The following MINDY2 variants were observed in gnomAD, a reference collection of about 807,000 sequenced individuals.
MINDY2 encodes the protein ubiquitin carboxyl-terminal hydrolase MINDY-2.
Under a neutral mutation model 68.2 loss-of-function variants are expected in MINDY2, and 52 were observed. The ratio of observed to expected loss-of-function variants is 0.76; its 90% CI spans 0.61 to 0.96. MINDY2 has a LOEUF of 0.96. Ranked by LOEUF, MINDY2 falls within the 40% of genes least tolerant of loss-of-function variation. The pLI is 0.00. For missense variants in MINDY2, 881 were observed against 773.4 expected, an observed-to-expected ratio of 1.14 and a Z score of -1.65; for synonymous variants, 372 against 303.0, an observed-to-expected ratio of 1.23 and a Z score of -2.36.
chr15:58,832,062 C>T (rs1352918345), intron 6 of MINDY2, 146 bp downstream of exon 6: 1 of 685,982 alleles, frequency 1.5e-6, no homozygotes, highest in Non-Finnish European at 2.2e-6. Context: ...AAATACAGTA[C>T]TTCTTAAGGA....
At position 58,771,753 on chromosome 15, in the gene MINDY2, G is replaced by C; in HGVS notation, c.358G>C (p.Gly120Arg). The stretch of plus-strand genomic sequence containing the variant: ...CCCGGAGACAGCCGTGGCCGGAGTG[G>C]GTCATGAGTTGGGTACCGCCGGAGA... Reference protein sequence around the residue: ...ASPETAVAGVGHELGTAGDAG... With the variant: ...ASPETAVAGVRHELGTAGDAG... The change falls in exon 1 of 9, where the codon GGT becomes CGT. Residue 120 changes from glycine (G) to arginine (R), a missense_variant. Transcript: ENST00000559228. 6.2e-7 allele frequency: 1 copy of C among 1,611,570 alleles called. No individual in the cohort carries two copies. Among genetic ancestry groups the C allele is most frequent in the Non-Finnish European group, 8.5e-7 (1 of 1,179,532 alleles).
chr15:58,816,271 A>G (rs2030681052), intron 4 of MINDY2, among the ~76,000 whole-genome samples: 1 of 152,240 alleles, frequency 6.6e-6, no homozygotes. Flanking sequence ...ATTTCACTGA[A>G]AAGTCTCAAC....
At chr15:58,778,937 T>A (rs1377952331) in intron 1 of MINDY2, among the ~76,000 whole-genome samples, 1 of 151,840 alleles carries the variant, frequency 6.6e-6, no homozygotes, top group Admixed American at 6.6e-5. Context: ...AATTTTTGTA[T>A]TTTTAGTAGA....
chr15:58,781,111 G>A (rs1436645181), intron 1 of MINDY2, among the ~76,000 whole-genome samples: 1 of 152,010 alleles, frequency 6.6e-6, no homozygotes, highest in African/African-American at 2.4e-5. Context: ...GTGCAATGGT[G>A]TGGTCTTGGC....
chr15:58,790,589 G>GGA (rs1567043325), intron 2 of MINDY2, among the ~76,000 whole-genome samples: 3 of 151,668 alleles, frequency 2.0e-5, no homozygotes, highest in African/African-American at 7.3e-5. Flanking sequence ...AGACCTTAGT[G>GGA]GGGGGTAAGA....
intron 2 of MINDY2, among the ~76,000 whole-genome samples, chr15:58,791,593 G>T (rs1901924842): frequency 6.8e-6 from 1 of 147,298 alleles, no homozygotes; most frequent in Non-Finnish European, 1.5e-5. Context: ...CTCTACCCTG[G>T]GCAACAGGGC....
intron 2 of MINDY2, among the ~76,000 whole-genome samples, chr15:58,798,192 T>C (rs1902405704): frequency 6.6e-6 from 1 of 152,066 alleles, no homozygotes; most frequent in South Asian, 2.1e-4. Flanking sequence ...TCTTGGCTCA[T>C]TGCAACCTCC....
intron 6 of MINDY2, among the ~76,000 whole-genome samples, chr15:58,842,124 G>A (rs1292943789): frequency 6.6e-6 from 1 of 151,832 alleles, no homozygotes; most frequent in Non-Finnish European, 1.5e-5. Context: ...TTCCTATTAT[G>A]ACTTCTTGAT....
chr15:58,823,664 AAAAACAAAAC>A (rs148639454), intron 5 of MINDY2, among the ~76,000 whole-genome samples: 4 of 150,692 alleles, frequency 2.7e-5, no homozygotes, highest in Middle Eastern at 3.4e-3. Context: ...AATCTGTCTC[AAAAACAAAAC>A]AAAACAAAAC....
Position 58,809,604 on chromosome 15 carries a change from A to T in MINDY2, c.964-626A>T, listed in dbSNP as rs189968381. Among the ~76,000 whole-genome samples, 214 of 152,270 alleles carry T rather than the reference A, an allele frequency of 1.4e-3. 1 individual carries two copies. The highest frequency in any genetic ancestry group is 4.8e-3 in the African/African-American group (198 of 41,558). On this transcript the variant is annotated intron_variant, in intron 3 of 8. Coordinates refer to ENST00000559228, the MANE Select transcript of MINDY2 (RefSeq NM_001040450.3). ...GTAGGAGAGGCCTTCTTCCTCTTTG[A>T]CTTGAAAAACATTTGACTTTGGACT...
chr15:58,794,044 G>C (rs1046587342), intron 2 of MINDY2, among the ~76,000 whole-genome samples: 6 of 152,240 alleles, frequency 3.9e-5, no homozygotes, highest in South Asian at 4.1e-4. Context: ...TTTGCCTGAT[G>C]AGCGTGTTGA....
chr15:58,845,944 A>C (rs1330628803), intron 6 of MINDY2, among the ~76,000 whole-genome samples: 1 of 152,228 alleles, frequency 6.6e-6, no homozygotes, highest in Non-Finnish European at 1.5e-5. Context: ...TAAGCCAGGC[A>C]CAGAAAGACA....
At position 58,858,033 on chromosome 15, in the gene MINDY2, G is replaced by T. The variant is rs1176373924; in HGVS notation, c.*3423G>T. 1 of 152,108 alleles carries T rather than the reference G, an allele frequency of 6.6e-6. No individual in the cohort carries two copies. Among genetic ancestry groups the T allele is most frequent in the East Asian group, 1.9e-4 (1 of 5,204 alleles). 9.4% of individuals were successfully genotyped at this position (152,108 alleles called of 1,614,324 possible). The stretch of plus-strand genomic sequence containing the variant: ...TCTGAAGCAAGTTTTCATGACCTCT[G>T]TTAGATTCTCAAAAGAATTCAGAAC... On this transcript the variant is annotated 3_prime_UTR_variant, in exon 9 of 9. Coordinates refer to ENST00000559228, the MANE Select transcript of MINDY2 (RefSeq NM_001040450.3).
At chr15:58,780,475 T>G (rs1453796075) in intron 1 of MINDY2, among the ~76,000 whole-genome samples, 2 of 151,998 alleles carry the variant, frequency 1.3e-5, no homozygotes, top group African/African-American at 2.4e-5. Flanking sequence ...TATCACCCAC[T>G]CTAGAACCAG....
intron 3 of MINDY2, among the ~76,000 whole-genome samples, chr15:58,807,586 A>G (rs1474181773): frequency 2.6e-5 from 4 of 152,050 alleles, no homozygotes; most frequent in African/African-American, 7.2e-5. Context: ...GATGGTCTCG[A>G]TCTCCTGACC....
intron 3 of MINDY2, among the ~76,000 whole-genome samples, chr15:58,806,446 C>G (rs1903016591): frequency 6.7e-6 from 1 of 150,024 alleles, no homozygotes. Context: ...CAGCCTCAAA[C>G]TCCTGGGCTC....
intron 6 of MINDY2, among the ~76,000 whole-genome samples, chr15:58,837,097 C>T (rs2032030979): frequency 6.6e-6 from 1 of 152,048 alleles, no homozygotes; most frequent in Admixed American, 6.6e-5. Context: ...GGGGTTCTTC[C>T]AGCATGGTGT....
At chr15:58,778,590 G>C (rs1900923487) in intron 1 of MINDY2, among the ~76,000 whole-genome samples, 1 of 150,164 alleles carries the variant, frequency 6.7e-6, no homozygotes. Flanking sequence ...AAAACTAAGG[G>C]AACTGTTTGC....
In MINDY2 at chr15:58,855,468, T is replaced by C. The variant is rs2033029037; in HGVS notation, c.*858T>C. 6.6e-6 allele frequency: 1 copy of C among 152,634 alleles called. No homozygotes were observed. The highest frequency in any genetic ancestry group is 2.4e-5 in the African/African-American group (1 of 41,442). The allele number at this position is 152,634 out of a possible 1,614,324, so 9.5% of individuals were successfully genotyped here. A position where few individuals can be genotyped will look rare whatever the true frequency, so the allele number is the denominator to read the frequency against. On this transcript the variant is annotated 3_prime_UTR_variant, in exon 9 of 9. Transcript: ENST00000559228. ...AAATATGGGGATGTAGAAAAGCAGA[T>C]AGTTCAGTGTCTACCTTTTTCTAGA...
Sources: gnomAD v4.1 joint callset for allele counts (sites outside exome capture counted in the v4.1 genomes callset) on GRCh38, gnomAD v4.1.1 for gene constraint, MANE v1.5 for transcripts, NCBI Gene and HGNC (gene_info 2026-07-23, HGNC 2026-07-21) for gene names.